PHKB: variants seen among roughly 807,000 people sequenced by gnomAD.
PHKB encodes the protein phosphorylase kinase regulatory subunit beta, also known as phosphorylase b kinase regulatory subunit beta.
PHKB carries 122 observed loss-of-function variants against 152.1 expected under a neutral mutation model. The observed-to-expected ratio is 0.80, with a 90% CI of 0.69 to 0.93. The LOEUF is 0.93. Ranked by LOEUF, PHKB falls within the 40% of genes least tolerant of loss-of-function variation. PHKB has a pLI of 0.00. For missense variants in PHKB, 1,304 were observed against 1,328.4 expected, an observed-to-expected ratio of 0.98 and a Z score of 0.29; for synonymous variants, 436 against 464.9, an observed-to-expected ratio of 0.94 and a Z score of 0.80.
At chr16:47,525,966 A>C (rs1213732928) in intron 6 of PHKB, among the ~76,000 whole-genome samples, 1 of 152,110 alleles carries the variant, frequency 6.6e-6, no homozygotes, top group Non-Finnish European at 1.5e-5. Flanking sequence ...GGGTTTTCTC[A>C]CTTTGTAGGA....
At chr16:47,480,151 T>C (rs1336145091) in intron 1 of PHKB, among the ~76,000 whole-genome samples, 1 of 152,234 alleles carries the variant, frequency 6.6e-6, no homozygotes, top group Non-Finnish European at 1.5e-5. Flanking sequence ...TAGGGAGCTC[T>C]GCTTCAGGAT....
chr16:47,550,066 A>G (rs985760522), intron 7 of PHKB, among the ~76,000 whole-genome samples: 2 of 152,216 alleles, frequency 1.3e-5, no homozygotes, highest in African/African-American at 4.8e-5. Context: ...AAAATTCCCC[A>G]AAAGAACTTT....
At chr16:47,551,101 C>G (rs1265082444) in intron 7 of PHKB, among the ~76,000 whole-genome samples, 1 of 151,996 alleles carries the variant, frequency 6.6e-6, no homozygotes, top group Non-Finnish European at 1.5e-5. Context: ...TTTGATTCTT[C>G]TCTCTTTTCT....
intron 18 of PHKB, among the ~76,000 whole-genome samples, chr16:47,649,827 T>C (rs1385990201): frequency 1.3e-5 from 2 of 152,244 alleles, no homozygotes; most frequent in Non-Finnish European, 2.9e-5. Context: ...TGTAAAGTAC[T>C]AAGAATAGTG....
intron 14 of PHKB, chr16:47,619,269 G>A (rs369413079): frequency 1.3e-5 from 2 of 152,178 alleles, no homozygotes; most frequent in East Asian, 1.9e-4. Flanking sequence ...AGTGATTTTT[G>A]TAATGGTGTG....
chr16:47,469,806 A>T (rs1969733091), intron 1 of PHKB, among the ~76,000 whole-genome samples: 1 of 152,164 alleles, frequency 6.6e-6, no homozygotes, highest in Non-Finnish European at 1.5e-5. Flanking sequence ...TTCCCCCTAA[A>T]ACCAAACAAA....
intron 1 of PHKB, among the ~76,000 whole-genome samples, chr16:47,465,322 C>T (rs1321449394): frequency 6.6e-6 from 1 of 152,174 alleles, no homozygotes; most frequent in East Asian, 1.9e-4. Flanking sequence ...TAAGCACTAG[C>T]ACAGTCATTC....
Position 47,499,892 on chromosome 16 carries a change from C to G in PHKB, c.303C>G (p.Tyr101Ter), listed in dbSNP as rs1291816133. The G allele has an allele frequency of 6.2e-7, 1 of 1,614,158 alleles. No homozygotes were observed. Among genetic ancestry groups the G allele is most frequent in the Non-Finnish European group, 8.5e-7 (1 of 1,180,008 alleles). Residue 101 changes from tyrosine (Y) to a stop codon, truncating the protein, a stop_gained and splice_region_variant, in exon 3 of 31, where the codon TAC becomes TAG. Coordinates refer to ENST00000323584, the MANE Select transcript of PHKB (RefSeq NM_000293.3). LOFTEE classifies it high-confidence loss of function. ...GGGCCTGGGCTTTGGCTCTTGCATACAGGTGAGCTGGTGTGTGTTCTCCTC... is the reference window on the plus strand; with the variant it reads ...GGGCCTGGGCTTTGGCTCTTGCATAGAGGTGAGCTGGTGTGTGTTCTCCTC... The part of the protein sequence containing the change: ...AAGAWALALA[Y>*]RRIDDDKGRT...
chr16:47,461,619 G>A (rs1038178879), intron 1 of PHKB, among the ~76,000 whole-genome samples, 193 bp downstream of exon 1: 8 of 152,226 alleles, frequency 5.3e-5, no homozygotes, highest in African/African-American at 1.7e-4. Context: ...GGCAGAGCCA[G>A]CTCCACTCTG....
chr16:47,615,128 A>G (rs555006785), intron 14 of PHKB, among the ~76,000 whole-genome samples: 27 of 152,208 alleles, frequency 1.8e-4, no homozygotes, highest in African/African-American at 6.0e-4. Context: ...ATAATGCCCC[A>G]TTTCTTCTTG....
intron 7 of PHKB, among the ~76,000 whole-genome samples, chr16:47,551,785 C>T (rs756594381): frequency 2.6e-5 from 4 of 152,118 alleles, no homozygotes; most frequent in East Asian, 1.9e-4. Flanking sequence ...TTTTCTGTCT[C>T]GTTATTTGTC....
At chr16:47,538,354 C>T (rs1043050509) in intron 6 of PHKB, among the ~76,000 whole-genome samples, 6 of 152,114 alleles carry the variant, frequency 3.9e-5, no homozygotes, top group African/African-American at 4.8e-5. Flanking sequence ...CAAGGTAGCC[C>T]GAGTTGGGTA....
chr16:47,480,721 C>T (rs1464382972), intron 1 of PHKB, among the ~76,000 whole-genome samples: 2 of 152,130 alleles, frequency 1.3e-5, no homozygotes, highest in African/African-American at 2.4e-5. Context: ...CAATAAAATT[C>T]TTATAACTAA....
intron 16 of PHKB, 78 bp downstream of exon 16, chr16:47,641,770 G>A (rs1973027459): frequency 1.2e-6 from 1 of 809,820 alleles, no homozygotes; most frequent in African/African-American, 1.7e-5. Flanking sequence ...TTACAGACAA[G>A]TCACACAGTT....
chr16:47,688,862 G>C (rs1475112751), intron 26 of PHKB, among the ~76,000 whole-genome samples, 179 bp from the exon 27 acceptor site: 1 of 152,114 alleles, frequency 6.6e-6, no homozygotes, highest in East Asian at 1.9e-4. Flanking sequence ...ATTTTTAAGA[G>C]TCTGATCATG....
intron 26 of PHKB, among the ~76,000 whole-genome samples, chr16:47,678,993 A>G (rs2142090170): frequency 1.3e-5 from 2 of 152,336 alleles, no homozygotes; most frequent in Middle Eastern, 3.4e-3. Flanking sequence ...ACATATGGCT[A>G]GCCAGTTTTC....
intron 7 of PHKB, among the ~76,000 whole-genome samples, chr16:47,571,464 C>T (rs1263982575): frequency 6.6e-6 from 1 of 152,110 alleles, no homozygotes; most frequent in Admixed American, 6.5e-5. Flanking sequence ...AGGAAAGCAA[C>T]CTCCCTGTCG....
chr16:47,497,337 T>TTTTTCTTTG (rs1419777558), intron 1 of PHKB, 62 bp from the exon 2 acceptor site: 2 of 1,023,258 alleles, frequency 2.0e-6, no homozygotes, highest in African/African-American at 3.1e-5. Flanking sequence ...TTGTTTAGAG[T>TTTTTCTTTG]TTTTCTTTGT....
At chr16:47,493,384 T>C (rs1021479206) in intron 1 of PHKB, among the ~76,000 whole-genome samples, 3 of 152,254 alleles carry the variant, frequency 2.0e-5, no homozygotes, top group African/African-American at 4.8e-5. Flanking sequence ...CTAAGTATCA[T>C]TGAAAATAGC....
Sources: allele counts gnomAD v4.1 joint callset (sites outside exome capture counted in the v4.1 genomes callset), GRCh38; gene constraint gnomAD v4.1.1; transcripts MANE v1.5; gene names NCBI Gene and HGNC (gene_info 2026-07-23, HGNC 2026-07-21).